FBXW11: variants seen among roughly 807,000 people sequenced by gnomAD.
FBXW11 encodes the protein F-box/WD repeat-containing protein 11.
FBXW11 carries 19 observed loss-of-function variants against 77.6 expected under a neutral mutation model. That is an observed-to-expected ratio of 0.24 (90% CI 0.17 to 0.36). The LOEUF is 0.36. FBXW11 is among the 10% of genes least tolerant of loss of function. The pLI, the probability that FBXW11 is intolerant of heterozygous loss-of-function variation, is 1.00. For missense variants in FBXW11, 334 were observed against 704.2 expected, an observed-to-expected ratio of 0.47 and a Z score of 5.95; for synonymous variants, 235 against 249.4, an observed-to-expected ratio of 0.94 and a Z score of 0.54.
intron 10 of FBXW11, among the ~76,000 whole-genome samples, chr5:171,872,245 CCTAT>C (rs1382342968): frequency 4.6e-5 from 7 of 152,242 alleles, no homozygotes; most frequent in African/African-American, 1.7e-4. Flanking sequence ...AATCTTGAAT[CCTAT>C]CTTTATTTTG....
intron 1 of FBXW11, among the ~76,000 whole-genome samples, chr5:171,974,080 T>C (rs1038443731): frequency 6.6e-6 from 1 of 152,144 alleles, no homozygotes; most frequent in African/African-American, 2.4e-5. Flanking sequence ...AAGATGATTT[T>C]TGGTGGTACA....
At position 171,899,102 on chromosome 5, in the gene FBXW11, A is replaced by G. The variant is rs1400714344; in HGVS notation, c.624-8T>C. 1.3e-6 allele frequency: 2 copies of G among 1,574,586 alleles called. No homozygotes were observed. Among genetic ancestry groups the G allele is most frequent in the Non-Finnish European group, 1.7e-6 (2 of 1,162,470 alleles). On this transcript the variant is annotated splice_polypyrimidine_tract_variant and splice_region_variant and intron_variant, in intron 5 of 13. Coordinates refer to ENST00000517395, the MANE Select transcript of FBXW11 (RefSeq NM_001378974.1). The stretch of plus-strand genomic sequence containing the variant: ...TTAAACAGGTACTGATCCCTGGCAA[A>G]TAAAAACAAACAGATGTTACATTTT...
At position 171,967,919 on chromosome 5, in the gene FBXW11, C is replaced by T. The variant is rs921627948; in HGVS notation, c.46-10221G>A. ...ACACACACACACACACACACACACA[C>T]ATATAAATCTGGAATTAAACACAGG... On this transcript the variant is annotated intron_variant, in intron 1 of 13. Coordinates refer to ENST00000517395, the MANE Select transcript of FBXW11 (RefSeq NM_001378974.1). Among the ~76,000 whole-genome samples the T allele has an allele frequency of 9.0e-4, 132 of 146,894 alleles. 1 individual carries two copies. The highest frequency in any genetic ancestry group is 3.2e-3 in the African/African-American group (122 of 38,308).
intron 4 of FBXW11, among the ~76,000 whole-genome samples, chr5:171,900,366 T>C (rs946553895): frequency 1.3e-5 from 2 of 152,222 alleles, no homozygotes; most frequent in African/African-American, 4.8e-5. Flanking sequence ...TTGTCAAATA[T>C]TAAGATAAGA....
intron 6 of FBXW11, among the ~76,000 whole-genome samples, chr5:171,894,990 ATTG>A (rs1261902375): frequency 6.6e-6 from 1 of 152,242 alleles, no homozygotes; most frequent in Non-Finnish European, 1.5e-5. Context: ...GTTGCCAGAA[ATTG>A]TTGTCTCAGT....
chr5:171,987,201 C>A (rs757448841), intron 1 of FBXW11, among the ~76,000 whole-genome samples: 1 of 152,158 alleles, frequency 6.6e-6, no homozygotes, highest in South Asian at 2.1e-4. Flanking sequence ...AATGACCTAA[C>A]GGGATAAAGT....
In FBXW11 at chr5:171,933,871, G is replaced by A. The variant is rs569546458; in HGVS notation, c.148-19466C>T. 7.3e-4 allele frequency among the ~76,000 whole-genome samples: 111 copies of A among 152,104 alleles called. 1 individual carries two copies. Among genetic ancestry groups the A allele is most frequent in the African/African-American group, 2.5e-3 (105 of 41,508 alleles). The stretch of plus-strand genomic sequence containing the variant: ...TCTATTTAAAAAAAAAACTATACAG[G>A]GAAAAGTTCATTAAACTCCTACATA... On this transcript the variant is annotated intron_variant, in intron 2 of 13. Coordinates refer to ENST00000517395, the MANE Select transcript of FBXW11 (RefSeq NM_001378974.1).
Position 172,006,554 on chromosome 5 carries a change from G to A in FBXW11, c.-52C>T, listed in dbSNP as rs1766791476. 2 of 1,460,490 alleles carry A rather than the reference G, an allele frequency of 1.4e-6. No individual in the cohort carries two copies. Among genetic ancestry groups the A allele is most frequent in the Non-Finnish European group, 1.8e-6 (2 of 1,103,632 alleles). The allele number at this position is 1,460,490 out of a possible 1,614,324, so 90.5% of individuals were successfully genotyped here. On this transcript the variant is annotated 5_prime_UTR_variant, in exon 1 of 14. Transcript: ENST00000517395. ...CTCCCCGCGCAGCAGCGAACGGCCC[G>A]GGCGGAGGAGGCGACGGCGGAGGCG...
At chr5:171,864,563 G>A (rs1489877325) in intron 13 of FBXW11, among the ~76,000 whole-genome samples, 3 of 152,132 alleles carry the variant, frequency 2.0e-5, no homozygotes, top group East Asian at 1.9e-4. Flanking sequence ...AGCCCTCATC[G>A]ATCACAAGGA....
chr5:171,877,367 C>T (rs1758159189), intron 8 of FBXW11, among the ~76,000 whole-genome samples: 1 of 152,154 alleles, frequency 6.6e-6, no homozygotes, highest in Admixed American at 6.5e-5. Context: ...TTATCCACTG[C>T]AAACTGGGTA....
At chr5:171,894,372 T>C (rs968119837) in intron 6 of FBXW11, among the ~76,000 whole-genome samples, 5 of 152,262 alleles carry the variant, frequency 3.3e-5, no homozygotes, top group Non-Finnish European at 7.3e-5. Context: ...AATAAGTTTC[T>C]GCATTTTAAA....
chr5:171,907,831 T>G (rs537747428), intron 4 of FBXW11, among the ~76,000 whole-genome samples: 6 of 152,194 alleles, frequency 3.9e-5, no homozygotes, highest in Non-Finnish European at 8.8e-5. Flanking sequence ...CTGTTCTGCT[T>G]CTTCTCCAAG....
intron 1 of FBXW11, among the ~76,000 whole-genome samples, chr5:171,995,492 G>A (rs529644251): frequency 3.8e-4 from 58 of 152,230 alleles, no homozygotes; most frequent in African/African-American, 1.3e-3. Context: ...GATGGCTCAC[G>A]CCTGTAATCC....
At chr5:171,990,719 A>T (rs986420014) in intron 1 of FBXW11, among the ~76,000 whole-genome samples, 2 of 152,182 alleles carry the variant, frequency 1.3e-5, no homozygotes, top group African/African-American at 2.4e-5. Context: ...TATTTTACTT[A>T]AAAAAAGGTG....
intron 2 of FBXW11, among the ~76,000 whole-genome samples, chr5:171,952,711 A>G (rs2113280848): frequency 6.6e-6 from 1 of 151,012 alleles, no homozygotes; most frequent in East Asian, 2.0e-4. Flanking sequence ...CGGCCTCCCA[A>G]ATTGCTGGGA....
intron 7 of FBXW11, among the ~76,000 whole-genome samples, chr5:171,889,527 CAAAAA>C (rs34406226): frequency 0.015 from 1,604 of 109,226 alleles, 39 homozygotes; most frequent in African/African-American, 0.051. Flanking sequence ...GACTCCATCT[CAAAAA>C]AAAAAAAAAA....
intron 7 of FBXW11, among the ~76,000 whole-genome samples, chr5:171,890,595 A>G (rs943939023): frequency 3.9e-5 from 6 of 152,156 alleles, no homozygotes; most frequent in African/African-American, 4.8e-5. Context: ...TACACTTACC[A>G]TATGAGCCAG....
chr5:171,930,158 C>G (rs944442049), intron 2 of FBXW11, among the ~76,000 whole-genome samples: 1 of 152,136 alleles, frequency 6.6e-6, no homozygotes, highest in Non-Finnish European at 1.5e-5. Flanking sequence ...AAGCGTCCTG[C>G]TAGTTCAGAG....
At chr5:171,877,662 G>A (rs1024840521) in intron 8 of FBXW11, among the ~76,000 whole-genome samples, 12 of 151,654 alleles carry the variant, frequency 7.9e-5, no homozygotes, top group African/African-American at 2.9e-4. Flanking sequence ...GGGTGGCGAT[G>A]CTTCCAGCAG....
Sources: gnomAD v4.1 joint callset for allele counts (sites outside exome capture counted in the v4.1 genomes callset) on GRCh38, gnomAD v4.1.1 for gene constraint, MANE v1.5 for transcripts, NCBI Gene and HGNC (gene_info 2026-07-23, HGNC 2026-07-21) for gene names.